Variants in ZNF143 observed in about 807,000 individuals in gnomAD.
ZNF143 encodes the protein zinc finger protein 143.
Under a neutral mutation model 74.1 loss-of-function variants are expected in ZNF143, and 49 were observed. That is an observed-to-expected ratio of 0.66 (90% CI 0.53 to 0.84). The LOEUF (loss-of-function observed/expected upper bound fraction) is 0.84, where lower values mean the gene tolerates loss of function less well. ZNF143 is among the 40% of genes least tolerant of loss of function. ZNF143 has a pLI of 0.00. For missense variants in ZNF143, 637 were observed against 793.4 expected (o/e 0.80, Z 2.37); for synonymous variants, 304 against 282.8 (o/e 1.07, Z -0.75).
chr11:9,472,887 A>T, intron 3 of ZNF143, 118 bp downstream of exon 3: 7 of 459,698 alleles, frequency 1.5e-5, no homozygotes, highest in Non-Finnish European at 2.2e-5. Context: ...ATTGCATATG[A>T]TGATTTTAAG....
At chr11:9,468,544 A>G (rs1251804098) in intron 1 of ZNF143, among the ~76,000 whole-genome samples, 2 of 152,224 alleles carry the variant, frequency 1.3e-5, no homozygotes, top group Admixed American at 6.5e-5. Flanking sequence ...AATTGGCAGT[A>G]TGAACTCTTT....
chr11:9,522,682 C>T (rs961473739), intron 14 of ZNF143, among the ~76,000 whole-genome samples: 5 of 151,636 alleles, frequency 3.3e-5, no homozygotes, highest in Middle Eastern at 3.4e-3. Flanking sequence ...TTAGTAGAGA[C>T]GGGGTCTCAC....
At chr11:9,518,832 GT>G (rs1848814111) in intron 14 of ZNF143, among the ~76,000 whole-genome samples, 1 of 152,086 alleles carries the variant, frequency 6.6e-6, no homozygotes, top group African/African-American at 2.4e-5. Context: ...TTTCAGAAAG[GT>G]TTAGTAATCG....
Position 9,486,403 on chromosome 11 carries a change from T to TATATATATA in ZNF143, c.645+6866_645+6874dup, listed in dbSNP as rs1216585931. ...TATATATATAATATATATAATATATTATATATATAATATATATTATATATA... is the reference window on the plus strand; with the variant it reads ...TATATATATAATATATATAATATATTATATATATAATATATATAATATATATTATATATA... On this transcript the variant is annotated intron_variant, in intron 7 of 15. Coordinates refer to ENST00000396602, the MANE Select transcript of ZNF143 (RefSeq NM_003442.6). 2.2e-3 allele frequency among the ~76,000 whole-genome samples: 37 copies of TATATATATA among 17,126 alleles called. 3 individuals carry two copies. The East Asian group carries it at 0.024, about 11-fold the overall frequency. 11.2% of individuals were successfully genotyped at this position (17,126 alleles called of 152,430 possible).
At chr11:9,480,094 G>A (rs570594316) in intron 7 of ZNF143, among the ~76,000 whole-genome samples, 8 of 152,212 alleles carry the variant, frequency 5.3e-5, no homozygotes, top group Admixed American at 3.3e-4. Flanking sequence ...CTGGCTTCCC[G>A]TGGTTCAAAT....
chr11:9,474,283 T>G (rs900970962), intron 4 of ZNF143, among the ~76,000 whole-genome samples: 1 of 152,220 alleles, frequency 6.6e-6, no homozygotes, highest in African/African-American at 2.4e-5. Flanking sequence ...GAGCTGAATC[T>G]TACATGTCTC....
chr11:9,513,641 AT>A (rs1848628259), intron 13 of ZNF143, among the ~76,000 whole-genome samples: 1 of 152,256 alleles, frequency 6.6e-6, no homozygotes, highest in Admixed American at 6.5e-5. Context: ...TACGCCTATA[AT>A]CACAGCACTT....
intron 7 of ZNF143, among the ~76,000 whole-genome samples, chr11:9,491,425 A>G (rs1241313127): frequency 3.9e-5 from 6 of 151,964 alleles, no homozygotes; most frequent in Non-Finnish European, 8.8e-5. Context: ...TCACGAGGTC[A>G]GGAGTTCAAG....
At chr11:9,467,238 T>A (rs1260826167) in intron 1 of ZNF143, among the ~76,000 whole-genome samples, 1 of 636 alleles carries the variant, frequency 1.6e-3, no homozygotes, top group African/African-American at 2.4e-3. Flanking sequence ...AAGGAAAGTG[T>A]TTTTTTTTTT....
At chr11:9,497,486 A>G (rs1010506662) in intron 9 of ZNF143, among the ~76,000 whole-genome samples, 189 bp from the exon 10 acceptor site, 12 of 151,882 alleles carry the variant, frequency 7.9e-5, no homozygotes, top group Non-Finnish European at 1.6e-4. Context: ...CCGCCTTGGC[A>G]TTCCAAAGTG....
At chr11:9,524,152 C>T (rs112352640) in intron 14 of ZNF143, among the ~76,000 whole-genome samples, 85 of 151,330 alleles carry the variant, frequency 5.6e-4, no homozygotes, top group Non-Finnish European at 1.1e-3. Context: ...TACTGCTATT[C>T]TGGCAGCCCT....
At chr11:9,502,241 C>CTTTTTTTTTTT (rs1183629630) in intron 11 of ZNF143, among the ~76,000 whole-genome samples, 2 of 56,966 alleles carry the variant, frequency 3.5e-5, no homozygotes, top group African/African-American at 1.4e-4. Flanking sequence ...TGGCCATATT[C>CTTTTTTTTTTT]TTTTTTTTTT....
intron 12 of ZNF143, among the ~76,000 whole-genome samples, chr11:9,511,719 G>C (rs1848554021): frequency 6.6e-6 from 1 of 151,276 alleles, no homozygotes; most frequent in Non-Finnish European, 1.5e-5. Flanking sequence ...TGGGATTACA[G>C]GTGTGAGCCA....
intron 7 of ZNF143, among the ~76,000 whole-genome samples, chr11:9,483,860 C>T (rs1222660612): frequency 2.7e-5 from 4 of 150,342 alleles, no homozygotes; most frequent in African/African-American, 1.0e-4. Context: ...GCGGATTCTC[C>T]TGCTTCAGCC....
chr11:9,472,017 C>T (rs1406134877), intron 2 of ZNF143, among the ~76,000 whole-genome samples: 1 of 151,386 alleles, frequency 6.6e-6, no homozygotes, highest in Non-Finnish European at 1.5e-5. Context: ...GTAGCCTCAG[C>T]CTTCTGGCTT....
At chr11:9,488,303 T>C (rs1387496880) in intron 7 of ZNF143, among the ~76,000 whole-genome samples, 1 of 152,238 alleles carries the variant, frequency 6.6e-6, no homozygotes, top group African/African-American at 2.4e-5. Context: ...TGATCTTGGC[T>C]TGTCCCTTAC....
At chr11:9,500,500 C>A (rs1051114823) in intron 10 of ZNF143, among the ~76,000 whole-genome samples, 2 of 151,766 alleles carry the variant, frequency 1.3e-5, no homozygotes, top group Non-Finnish European at 2.9e-5. Flanking sequence ...ACGGTGTAAT[C>A]TCGGCTCACT....
At chr11:9,461,145 G>A (rs1855793609) in intron 1 of ZNF143, 69 bp downstream of exon 1, 2 of 956,664 alleles carry the variant, frequency 2.1e-6, no homozygotes, top group Non-Finnish European at 2.5e-6. Flanking sequence ...TCAGCGCGGC[G>A]GCGCGGGCCC....
At position 9,501,194 on chromosome 11, in the gene ZNF143, T is replaced by C. The variant is rs1565051840; in HGVS notation, c.1071T>C (p.Tyr357=). 25 of 1,614,200 alleles carry C rather than the reference T, an allele frequency of 1.5e-5. No homozygotes were observed. The highest frequency in any genetic ancestry group is 2.1e-5 in the Non-Finnish European group (25 of 1,180,036). Residue 357 remains tyrosine, a synonymous_variant, in exon 11 of 16, where the codon TAT becomes TAC. Transcript: ENST00000396602. The stretch of plus-strand genomic sequence containing the variant: ...GGACACACACAGGAGAAAGACCTTA[T>C]TACTGCACAGAGCCAGGATGTGGGA... ...HVRTHTGERP[Y]YCTEPGCGRA... is the part of the protein sequence containing the mutation.
Sources: gnomAD v4.1 joint callset for allele counts (sites outside exome capture counted in the v4.1 genomes callset) on GRCh38, gnomAD v4.1.1 for gene constraint, MANE v1.5 for transcripts, NCBI Gene and HGNC (gene_info 2026-07-23, HGNC 2026-07-21) for gene names.